The following DPP6 variants were observed in gnomAD, a reference collection of about 807,000 sequenced individuals.
DPP6 encodes A-type potassium channel modulatory protein DPP6.
Under a neutral mutation model 122.6 loss-of-function variants are expected in DPP6, and 69 were observed. The ratio of observed to expected loss-of-function variants is 0.56; its 90% CI spans 0.46 to 0.69. The LOEUF is 0.69. Among genes scored for constraint, DPP6 ranks in the 30% least tolerant of loss-of-function variants. DPP6 has a pLI of 0.00. For missense variants in DPP6, 928 were observed against 1,116.9 expected, an observed-to-expected ratio of 0.83 and a Z score of 2.41; for synonymous variants, 418 against 433.1, an observed-to-expected ratio of 0.97 and a Z score of 0.43.
chr7:154,825,220 T>A (rs1429921579), intron 16 of DPP6, among the ~76,000 whole-genome samples: 1 of 152,174 alleles, frequency 6.6e-6, no homozygotes, highest in South Asian at 2.1e-4. Context: ...TCACCAAAGC[T>A]TATGTAGCCA....
chr7:153,865,203 G>A, the DPP6 span, among the ~76,000 whole-genome samples: 40 of 152,218 alleles, frequency 2.6e-4, no homozygotes, highest in African/African-American at 9.6e-4. Flanking sequence ...TTTTTGGGTA[G>A]GAAAATGGCA....
At chr7:153,864,743 AGG>A in the DPP6 span, among the ~76,000 whole-genome samples, 1 of 151,780 alleles carries the variant, frequency 6.6e-6, no homozygotes, top group Admixed American at 6.6e-5. Flanking sequence ...AACTTTTAAC[AGG>A]GAAAATATAA....
intron 1 of DPP6, among the ~76,000 whole-genome samples, chr7:154,239,707 T>C (rs1426338903): frequency 1.3e-5 from 2 of 151,562 alleles, no homozygotes; most frequent in Non-Finnish European, 2.9e-5. Context: ...GCTCAATGGC[T>C]CATGCCTGTA....
chr7:154,621,534 A>G (rs1232533623), intron 5 of DPP6, among the ~76,000 whole-genome samples: 1 of 148,530 alleles, frequency 6.7e-6, no homozygotes, highest in Non-Finnish European at 1.5e-5. Context: ...ACACCCAGCT[A>G]ATTTTTGTAT....
chr7:154,692,981 G>A (rs1004973918), intron 7 of DPP6, among the ~76,000 whole-genome samples: 1 of 152,168 alleles, frequency 6.6e-6, no homozygotes, highest in South Asian at 2.1e-4. Flanking sequence ...CTGTAGAGAT[G>A]AGGTTTTGCT....
intron 3 of DPP6, among the ~76,000 whole-genome samples, chr7:154,478,591 A>G (rs1016332629): frequency 6.6e-6 from 1 of 152,136 alleles, no homozygotes; most frequent in African/African-American, 2.4e-5. Flanking sequence ...CCACAACTAC[A>G]ATGATTCCCA....
At chr7:153,830,795 A>G in the DPP6 span, among the ~76,000 whole-genome samples, 6 of 152,236 alleles carry the variant, frequency 3.9e-5, no homozygotes, top group South Asian at 1.2e-3. Flanking sequence ...AGCTTAAGAT[A>G]TATTTCACAC....
chr7:154,648,883 C>T (rs985295701), intron 6 of DPP6, among the ~76,000 whole-genome samples: 1 of 150,746 alleles, frequency 6.6e-6, no homozygotes, highest in Non-Finnish European at 1.5e-5. Context: ...CATGCCACTG[C>T]ACTCCAGCCT....
chr7:153,921,055 G>C (rs564746160), intron 1 of DPP6, among the ~76,000 whole-genome samples: 2 of 152,392 alleles, frequency 1.3e-5, no homozygotes, highest in Admixed American at 1.3e-4. Flanking sequence ...TCTATAGCGA[G>C]AAGATCTGGC....
the DPP6 span, among the ~76,000 whole-genome samples, chr7:153,814,090 C>A: frequency 6.6e-6 from 1 of 152,082 alleles, no homozygotes; most frequent in Admixed American, 6.5e-5. Flanking sequence ...GACATGAAGT[C>A]CTTGCCCATG....
At chr7:153,881,243 C>A in the DPP6 span, among the ~76,000 whole-genome samples, 1 of 152,132 alleles carries the variant, frequency 6.6e-6, no homozygotes, top group South Asian at 2.1e-4. Context: ...GGCAGCCGTG[C>A]CAATAAGTAA....
intron 7 of DPP6, among the ~76,000 whole-genome samples, chr7:154,695,095 G>C (rs763387204): frequency 6.6e-6 from 1 of 152,206 alleles, no homozygotes; most frequent in Non-Finnish European, 1.5e-5. Context: ...TTAGGAAGAC[G>C]GGGGTGAGAT....
intron 3 of DPP6, among the ~76,000 whole-genome samples, chr7:154,538,516 G>A (rs925300535): frequency 6.6e-6 from 1 of 152,066 alleles, no homozygotes; most frequent in Non-Finnish European, 1.5e-5. Flanking sequence ...ATGTGGGGGC[G>A]GGGTAGAAGC....
rs1373898010 is a variant in DPP6 at position 154,483,265 on chromosome 7, C to CCA, written c.457+8230_457+8231dup. ...TAAATGAAAAACCACCCCACGGTGG[C>CCA]CACGCACCTCTTCCTGGCTCACAGC... On this transcript the variant is annotated intron_variant, in intron 3 of 25. Transcript: ENST00000377770. This position sits in a 1 kb window ranked among gnomAD's most constrained non-coding sequence, Gnocchi z 8.1. Among the ~76,000 whole-genome samples the CCA allele has an allele frequency of 2.6e-5, 4 of 152,150 alleles. No individual in the cohort carries two copies. The highest frequency in any genetic ancestry group is 9.7e-5 in the African/African-American group (4 of 41,430).
intron 1 of DPP6, among the ~76,000 whole-genome samples, chr7:154,325,706 T>C (rs1006030124): frequency 1.3e-5 from 2 of 152,228 alleles, no homozygotes; most frequent in Admixed American, 1.3e-4. Flanking sequence ...GGTGTTTTCA[T>C]AATCTATTGA....
intron 1 of DPP6, among the ~76,000 whole-genome samples, chr7:154,246,551 T>C (rs897731558): frequency 3.3e-5 from 5 of 152,190 alleles, no homozygotes; most frequent in African/African-American, 1.2e-4. Context: ...AAAATTTGCA[T>C]AGGAATTAAG....
chr7:154,435,325 G>T (rs571740697), intron 1 of DPP6, among the ~76,000 whole-genome samples: 1 of 152,238 alleles, frequency 6.6e-6, no homozygotes, highest in South Asian at 2.1e-4. Flanking sequence ...TTCATTGCAC[G>T]TTCCTGTGAG....
intron 1 of DPP6, among the ~76,000 whole-genome samples, chr7:153,976,669 G>A (rs1423161541): frequency 2.0e-5 from 3 of 152,196 alleles, no homozygotes; most frequent in Non-Finnish European, 4.4e-5. Context: ...TCATGAAGAA[G>A]GAAGAAAATG....
At chr7:154,020,242 A>G (rs1798633076) in intron 1 of DPP6, among the ~76,000 whole-genome samples, 1 of 151,854 alleles carries the variant, frequency 6.6e-6, no homozygotes, top group Non-Finnish European at 1.5e-5. Context: ...TAAAAGCGTG[A>G]TAGAGCATCT....
Sources: gnomAD v4.1 joint callset for allele counts (sites outside exome capture counted in the v4.1 genomes callset) on GRCh38, gnomAD v4.1.1 for gene constraint, Gnocchi (gnomAD v3.1) non-coding constraint, MANE v1.5 for transcripts, NCBI Gene and HGNC (gene_info 2026-07-23, HGNC 2026-07-21) for gene names.